The following UHRF2 variants were observed in gnomAD, a reference collection of about 807,000 sequenced individuals.
The protein encoded by UHRF2 is E3 ubiquitin-protein ligase UHRF2.
Under a neutral mutation model 96.8 loss-of-function variants are expected in UHRF2, and 23 were observed. The observed-to-expected ratio is 0.24, with a 90% CI of 0.17 to 0.34. The LOEUF is 0.34. UHRF2 is among the 10% of genes least tolerant of loss of function. The pLI is 1.00. For missense variants in UHRF2, 685 were observed against 981.5 expected (o/e 0.70, Z 4.04); for synonymous variants, 385 against 332.6 (o/e 1.16, Z -1.72).
intron 14 of UHRF2, among the ~76,000 whole-genome samples, chr9:6,502,773 G>A (rs141227343): frequency 2.9e-4 from 44 of 152,280 alleles, no homozygotes; most frequent in Admixed American, 5.9e-4. Flanking sequence ...GGAAGTACCA[G>A]GTTAAATATT....
At chr9:6,501,792 T>A (rs1168032704) in intron 14 of UHRF2, among the ~76,000 whole-genome samples, 1 of 152,210 alleles carries the variant, frequency 6.6e-6, no homozygotes, top group Non-Finnish European at 1.5e-5. Context: ...TATAGGAAAT[T>A]AAGATACAGG....
intron 3 of UHRF2, among the ~76,000 whole-genome samples, chr9:6,445,971 C>A (rs1230905786): frequency 1.5e-5 from 2 of 136,178 alleles, no homozygotes; most frequent in African/African-American, 3.0e-5. Context: ...ACTCTTCCCC[C>A]CCCGCCACCC....
chr9:6,442,854 C>T (rs1682922946), intron 3 of UHRF2, among the ~76,000 whole-genome samples: 1 of 152,100 alleles, frequency 6.6e-6, no homozygotes, highest in Non-Finnish European at 1.5e-5. Context: ...ACCACACTAC[C>T]ACCTGTTCTC....
chr9:6,462,670 G>A (rs1433149970), intron 4 of UHRF2, among the ~76,000 whole-genome samples: 1 of 152,200 alleles, frequency 6.6e-6, no homozygotes, highest in African/African-American at 2.4e-5. Flanking sequence ...TGTAATCCCA[G>A]CACTTTGGGA....
At chr9:6,477,921 G>A (rs1823682150) in intron 6 of UHRF2, 113 bp downstream of exon 6, 1 of 895,808 alleles carries the variant, frequency 1.1e-6, no homozygotes, top group African/African-American at 1.7e-5. Context: ...TGCTTAAAAT[G>A]TTATGGCCAG....
At chr9:6,456,861 C>A (rs1563771186) in intron 3 of UHRF2, among the ~76,000 whole-genome samples, 1 of 152,128 alleles carries the variant, frequency 6.6e-6, no homozygotes, top group African/African-American at 2.4e-5. Context: ...GGCGTTATTT[C>A]TGAGACCTCT....
chr9:6,425,272 G>C (rs1191451661), intron 2 of UHRF2, among the ~76,000 whole-genome samples: 3 of 152,118 alleles, frequency 2.0e-5, no homozygotes, highest in Non-Finnish European at 2.9e-5. Flanking sequence ...TTCCACTTTT[G>C]GCCTTTAGAA....
At position 6,504,682 on chromosome 9, in the gene UHRF2, T is replaced by C. The variant is rs1816491266; in HGVS notation, c.2253T>C (p.Asn751=). ...YQPVTTECFH[N]VCKDCLQRSF... ...CTGTGACAACTGAGTGCTTCCACAA[T>C]GTCTGTAAAGTAAGTAGAATTCCTT... Residue 751 remains asparagine (N), a synonymous_variant, in exon 15 of 16, where the codon AAT becomes AAC. Transcript: ENST00000276893. 3 of 1,613,152 alleles carry C rather than the reference T, an allele frequency of 1.9e-6. No individual in the cohort carries two copies. The highest frequency in any genetic ancestry group is 2.2e-5 in the East Asian group (1 of 44,838).
intron 9 of UHRF2, among the ~76,000 whole-genome samples, chr9:6,491,412 AGAT>A (rs1294991106): frequency 1.3e-5 from 2 of 152,248 alleles, no homozygotes; most frequent in Non-Finnish European, 2.9e-5. Context: ...CACCAGTAGT[AGAT>A]GTGTGTTACA....
chr9:6,496,210 G>C lies in UHRF2; in HGVS notation c.1605-988G>C, dbSNP rs193296953. The C allele has an allele frequency of 4.6e-5, 7 of 152,108 alleles. No individual in the cohort carries two copies. In the East Asian group the frequency reaches 1.2e-3, roughly 25 times the overall value. 9.4% of individuals were successfully genotyped at this position (152,108 alleles called of 1,614,324 possible). Reference sequence around the variant, plus strand: ...ATTAAACCCTGAAGAAGTATTTTATGTCATATCTGCTTTCACCAGATTGGG... The same window carrying C: ...ATTAAACCCTGAAGAAGTATTTTATCTCATATCTGCTTTCACCAGATTGGG... On this transcript the variant is annotated intron_variant, in intron 10 of 15. Transcript: ENST00000276893.
chr9:6,451,579 A>G (rs427077), intron 3 of UHRF2, among the ~76,000 whole-genome samples: 118,386 of 151,088 alleles, frequency 0.78, 46,653 homozygotes, highest in East Asian at 0.86. Flanking sequence ...CGGGGTTCAC[A>G]CCATTCTCCT....
rs186287648 is a variant in UHRF2, at chr9:6,458,343, C to T, written c.645-2230C>T. Among the ~76,000 whole-genome samples, 92 of 152,118 alleles carry T rather than the reference C, an allele frequency of 6.0e-4. 1 individual carries two copies. The highest frequency in any genetic ancestry group is 2.2e-3 in the Admixed American group (34 of 15,268). Reference sequence around the variant, plus strand: ...TCTGTGGGATCAGTGGTGATATCCCCTTTATCATTTTTTATTGTGTCTATT... The same window carrying T: ...TCTGTGGGATCAGTGGTGATATCCCTTTTATCATTTTTTATTGTGTCTATT... On this transcript the variant is annotated intron_variant, in intron 3 of 15. Coordinates refer to ENST00000276893, the MANE Select transcript of UHRF2 (RefSeq NM_152896.3).
At position 6,505,836 on chromosome 9, in the gene UHRF2, G is replaced by T. The variant is rs186068032; in HGVS notation, c.2263-197G>T. On this transcript the variant is annotated intron_variant, in intron 15 of 15. Coordinates refer to ENST00000276893, the MANE Select transcript of UHRF2 (RefSeq NM_152896.3). ...AATTACATAAATAATTTACCTGAAG[G>T]CTCCCAATATCTGCCAGAGATGAAA... 3.2e-3 allele frequency among the ~76,000 whole-genome samples: 489 copies of T among 152,244 alleles called. 3 individuals carry two copies. Among genetic ancestry groups the T allele is most frequent in the Admixed American group, 5.0e-3 (77 of 15,300 alleles).
At chr9:6,448,742 G>A (rs1440145769) in intron 3 of UHRF2, among the ~76,000 whole-genome samples, 4 of 152,168 alleles carry the variant, frequency 2.6e-5, no homozygotes, top group Non-Finnish European at 5.9e-5. Flanking sequence ...GAAAGTTTTC[G>A]CCTCTTGAGT....
intron 1 of UHRF2, among the ~76,000 whole-genome samples, chr9:6,418,033 GT>G (rs566238215): frequency 2.0e-5 from 3 of 151,986 alleles, no homozygotes; most frequent in African/African-American, 4.8e-5. Flanking sequence ...TATACTGTTA[GT>G]TTTTTTTAAT....
chr9:6,475,268 A>G, intron 4 of UHRF2, 123 bp from the exon 5 acceptor site: 1 of 502,952 alleles, frequency 2.0e-6, no homozygotes, highest in Non-Finnish European at 3.5e-6. Context: ...TGATTGGAAT[A>G]GCTCTAATCT....
At chr9:6,419,752 T>C (rs1819818321) in intron 1 of UHRF2, among the ~76,000 whole-genome samples, 1 of 152,058 alleles carries the variant, frequency 6.6e-6, no homozygotes, top group Non-Finnish European at 1.5e-5. Context: ...ATTTATTTGT[T>C]TATTTTGAGA....
chr9:6,467,022 A>T (rs910192166), intron 4 of UHRF2, among the ~76,000 whole-genome samples: 2 of 152,284 alleles, frequency 1.3e-5, no homozygotes, highest in Non-Finnish European at 2.9e-5. Context: ...TTAGTTTCCT[A>T]TTGCTGCTAC....
At chr9:6,492,110 T>C (rs1312464737) in intron 9 of UHRF2, among the ~76,000 whole-genome samples, 1 of 152,210 alleles carries the variant, frequency 6.6e-6, no homozygotes, top group Non-Finnish European at 1.5e-5. Context: ...CGTGATAATA[T>C]AATGTTTTTG....
Sources: allele counts gnomAD v4.1 joint callset (sites outside exome capture counted in the v4.1 genomes callset), GRCh38; gene constraint gnomAD v4.1.1; transcripts MANE v1.5; gene names NCBI Gene and HGNC (gene_info 2026-07-23, HGNC 2026-07-21).